Variants in MED13L observed in about 807,000 individuals in gnomAD.
MED13L encodes the protein mediator of RNA polymerase II transcription subunit 13-like.
Under a neutral mutation model 220.9 loss-of-function variants are expected in MED13L, and 7 were observed. The observed-to-expected ratio is 0.03, with a 90% CI of 0.02 to 0.06. The LOEUF (loss-of-function observed/expected upper bound fraction) is 0.06, where lower values mean the gene tolerates loss of function less well. Among genes scored for constraint, MED13L ranks in the 10% least tolerant of loss-of-function variants. The pLI, the probability that MED13L is intolerant of heterozygous loss-of-function variation, is 1.00. For synonymous variants in MED13L, 1,011 were observed against 1,015.2 expected, an observed-to-expected ratio of 1.00 and a Z score of 0.08; for missense variants, 1,965 against 2,760.5, an observed-to-expected ratio of 0.71 and a Z score of 6.46.
intron 2 of MED13L, among the ~76,000 whole-genome samples, chr12:116,177,218 C>T (rs1446111420): frequency 1.3e-5 from 2 of 152,088 alleles, no homozygotes; most frequent in African/African-American, 4.8e-5. Flanking sequence ...CCTCATGACC[C>T]CTCCCCAGGC....
intron 2 of MED13L, among the ~76,000 whole-genome samples, chr12:116,176,567 G>C (rs774870531): frequency 6.6e-5 from 10 of 152,090 alleles, no homozygotes; most frequent in Admixed American, 3.3e-4. Context: ...CAGTAGGTTA[G>C]CAAGGAAAAA....
intron 2 of MED13L, among the ~76,000 whole-genome samples, chr12:116,177,918 C>T (rs1452991296): frequency 6.6e-6 from 1 of 152,114 alleles, no homozygotes; most frequent in Non-Finnish European, 1.5e-5. Flanking sequence ...TACAGTGGCA[C>T]AATCACGGCT....
intron 1 of MED13L, among the ~76,000 whole-genome samples, chr12:116,261,759 T>C (rs1199313040): frequency 2.0e-5 from 3 of 152,162 alleles, no homozygotes; most frequent in Non-Finnish European, 4.4e-5. Flanking sequence ...ACCAAGAACA[T>C]CTGTTTATCA....
intron 2 of MED13L, among the ~76,000 whole-genome samples, chr12:116,128,727 T>C (rs1007934610): frequency 5.9e-5 from 9 of 152,358 alleles, no homozygotes; most frequent in Admixed American, 3.9e-4. Context: ...GTGTTCATTA[T>C]ATCTGAAATA....
chr12:116,215,032 G>T (rs916446849), intron 2 of MED13L, among the ~76,000 whole-genome samples: 1 of 151,992 alleles, frequency 6.6e-6, no homozygotes, highest in Non-Finnish European at 1.5e-5. Flanking sequence ...AAATTCCAAA[G>T]GATATCATTA....
intron 1 of MED13L, chr12:116,276,702 C>A: frequency 8.4e-7 from 1 of 1,194,252 alleles, no homozygotes; most frequent in Non-Finnish European, 1.1e-6. Flanking sequence ...CAAAGCCTTC[C>A]ACATTTACGG....
At chr12:115,992,082 A>G (rs1878100384) in intron 16 of MED13L, 125 bp from the exon 17 acceptor site, 6 of 859,104 alleles carry the variant, frequency 7.0e-6, no homozygotes, top group Admixed American at 2.0e-5. Flanking sequence ...ACTGGGATAC[A>G]CTGGTATATT....
At chr12:116,118,710 CA>C (rs1286448740) in intron 2 of MED13L, among the ~76,000 whole-genome samples, 1 of 152,084 alleles carries the variant, frequency 6.6e-6, no homozygotes, top group African/African-American at 2.4e-5. Flanking sequence ...GTTAAATCTG[CA>C]AAGACATGCT....
intron 2 of MED13L, among the ~76,000 whole-genome samples, chr12:116,216,701 G>T (rs186551255): frequency 6.6e-6 from 1 of 152,140 alleles, no homozygotes; most frequent in African/African-American, 2.4e-5. Context: ...AAGCCATGCA[G>T]GAAATTAAAT....
At chr12:116,052,713 T>C (rs1272541513) in intron 4 of MED13L, among the ~76,000 whole-genome samples, 1 of 152,204 alleles carries the variant, frequency 6.6e-6, no homozygotes, top group African/African-American at 2.4e-5. Context: ...CTTAGGCTAA[T>C]AGCACAAACT....
intron 2 of MED13L, among the ~76,000 whole-genome samples, chr12:116,135,026 G>A (rs897904659): frequency 1.3e-5 from 2 of 152,232 alleles, no homozygotes; most frequent in Admixed American, 6.5e-5. Context: ...AAAATTATCC[G>A]GGTGTGGTGG....
At chr12:115,990,323 C>G (rs529318840) in intron 17 of MED13L, among the ~76,000 whole-genome samples, 75 of 152,290 alleles carry the variant, frequency 4.9e-4, no homozygotes, top group African/African-American at 1.8e-3. Flanking sequence ...TAATAATATG[C>G]GTGCTTGTGT....
chr12:116,103,908 C>T lies in MED13L; in HGVS notation c.396-7156G>A, dbSNP rs146856414. Among the ~76,000 whole-genome samples, 68 of 151,344 alleles carry T rather than the reference C, an allele frequency of 4.5e-4. 1 individual carries two copies. In the East Asian group the frequency reaches 6.4e-3, roughly 14 times the overall value. ...CCCAACGACTGTCAATGTTACATCACGATTTCTTCAACTAGGGCGGTACAT... is the reference window on the plus strand; with the variant it reads ...CCCAACGACTGTCAATGTTACATCATGATTTCTTCAACTAGGGCGGTACAT... On this transcript the variant is annotated intron_variant, in intron 3 of 30. Coordinates refer to ENST00000281928, the MANE Select transcript of MED13L (RefSeq NM_015335.5).
Position 116,038,744 on chromosome 12 carries a change from CAAAAAA to C in MED13L, c.480-16149_480-16144del, listed in dbSNP as rs63703461. Among the ~76,000 whole-genome samples the C allele has an allele frequency of 2.0e-3, 154 of 75,262 alleles. 1 individual carries two copies. The highest frequency in any genetic ancestry group is 9.8e-3 in the Middle Eastern group (1 of 102). 49.4% of individuals were successfully genotyped at this position (75,262 alleles called of 152,430 possible). A position where few individuals can be genotyped will look rare whatever the true frequency, so the allele number is the denominator to read the frequency against. ...GACTTTACCTATGCGGTCAAAAGGC[CAAAAAA>C]AAAAAAAAAAAAAAAAAAAAAGGAG... On this transcript the variant is annotated intron_variant, in intron 4 of 30. Transcript: ENST00000281928.
At chr12:115,971,983 A>G (rs904604410) in intron 26 of MED13L, 95 bp downstream of exon 26, 3 of 1,343,462 alleles carry the variant, frequency 2.2e-6, no homozygotes, top group Non-Finnish European at 3.1e-6. Flanking sequence ...ATAGAAATAT[A>G]ATGAAGACAA....
chr12:116,223,611 G>A (rs1444835213), intron 2 of MED13L, among the ~76,000 whole-genome samples: 1 of 152,174 alleles, frequency 6.6e-6, no homozygotes, highest in African/African-American at 2.4e-5. Context: ...GGCTGAGGCA[G>A]GAGAATCACC....
chr12:116,168,164 T>C (rs558107279), intron 2 of MED13L, among the ~76,000 whole-genome samples: 14 of 152,210 alleles, frequency 9.2e-5, no homozygotes, highest in African/African-American at 3.1e-4. Flanking sequence ...GTCACATGAA[T>C]ATACCTTTCA....
At chr12:116,025,804 G>A (rs1880352947) in intron 4 of MED13L, among the ~76,000 whole-genome samples, 1 of 152,004 alleles carries the variant, frequency 6.6e-6, no homozygotes, top group African/African-American at 2.4e-5. Flanking sequence ...TGCACAGTAG[G>A]GTAACTAGTT....
At chr12:116,127,534 T>C (rs1875700277) in intron 2 of MED13L, among the ~76,000 whole-genome samples, 1 of 152,182 alleles carries the variant, frequency 6.6e-6, no homozygotes, top group Non-Finnish European at 1.5e-5. Context: ...AATATAGATA[T>C]ATTCAAAGGC....
Sources: allele counts gnomAD v4.1 joint callset (sites outside exome capture counted in the v4.1 genomes callset), GRCh38; gene constraint gnomAD v4.1.1; transcripts MANE v1.5; gene names NCBI Gene and HGNC (gene_info 2026-07-23, HGNC 2026-07-21).